HDAC9: variants seen among roughly 807,000 people sequenced by gnomAD.
HDAC9 encodes histone deacetylase 9, also known as MEF-2 interacting transcription repressor (MITR) protein.
A neutral mutation model predicts 139.4 loss-of-function variants in HDAC9; 41 were observed. That is an observed-to-expected ratio of 0.29 (90% CI 0.23 to 0.38). The LOEUF is 0.38. Among genes scored for constraint, HDAC9 ranks in the 10% least tolerant of loss-of-function variants. The probability of loss-of-function intolerance (pLI) is 1.00; values close to 1 mark genes in which losing one functional copy is unlikely to be tolerated. For missense variants in HDAC9, 1,147 were observed against 1,297.0 expected, an observed-to-expected ratio of 0.88 and a Z score of 1.78; for synonymous variants, 517 against 476.2, an observed-to-expected ratio of 1.09 and a Z score of -1.12.
intron 2 of HDAC9, chr7:18,162,408 G>T: frequency 9.1e-6 from 13 of 1,432,158 alleles, no homozygotes; most frequent in Non-Finnish European, 1.1e-5. Context: ...GTTGCTTTGT[G>T]TTGTTTCAAA....
intron 1 of HDAC9, among the ~76,000 whole-genome samples, chr7:18,359,355 A>T (rs1783589980): frequency 6.6e-6 from 1 of 152,180 alleles, no homozygotes; most frequent in Admixed American, 6.5e-5. Context: ...CTAAAATAAA[A>T]TAAAATAAAT....
At chr7:18,703,691 C>A (rs1038547316) in intron 12 of HDAC9, among the ~76,000 whole-genome samples, 5 of 152,140 alleles carry the variant, frequency 3.3e-5, no homozygotes, top group African/African-American at 1.2e-4. Flanking sequence ...GAGATCAACA[C>A]ACAGTTCTGA....
At chr7:18,621,629 A>G (rs1182886891) in intron 6 of HDAC9, among the ~76,000 whole-genome samples, 1 of 152,180 alleles carries the variant, frequency 6.6e-6, no homozygotes, top group East Asian at 1.9e-4. Flanking sequence ...AAAACTTTAT[A>G]TATGAATTAC....
chr7:18,613,289 G>A (rs868538198), intron 6 of HDAC9, among the ~76,000 whole-genome samples: 1 of 151,822 alleles, frequency 6.6e-6, no homozygotes, highest in African/African-American at 2.4e-5. Context: ...GAAATAGGTC[G>A]TTTTCACAGT....
chr7:18,870,860 G>A (rs1798863349), intron 21 of HDAC9, among the ~76,000 whole-genome samples: 1 of 152,010 alleles, frequency 6.6e-6, no homozygotes, highest in South Asian at 2.1e-4. Context: ...GAGAGATGGG[G>A]TCTCTCTGTG....
rs866059310 is a variant in HDAC9 at position 18,620,528 on chromosome 7, T to A, written c.665-8822T>A. On this transcript the variant is annotated intron_variant, in intron 6 of 25. Transcript: ENST00000686413. The stretch of plus-strand genomic sequence containing the variant: ...CTGAGTGGTACTTTTTTTTTTTTTT[T>A]AATACTAGAACAAACAGGAAAAAAT... 3.5e-3 allele frequency among the ~76,000 whole-genome samples: 531 copies of A among 151,338 alleles called. 3 individuals carry two copies. Among genetic ancestry groups the A allele is most frequent in the African/African-American group, 0.012 (511 of 41,070 alleles).
chr7:18,409,239 T>C (rs879368790), intron 1 of HDAC9, among the ~76,000 whole-genome samples: 1 of 152,214 alleles, frequency 6.6e-6, no homozygotes, highest in Non-Finnish European at 1.5e-5. Context: ...ACCCTGGCGA[T>C]ACATGACTAT....
chr7:18,348,578 A>G (rs556652672), intron 1 of HDAC9, among the ~76,000 whole-genome samples: 90 of 152,274 alleles, frequency 5.9e-4, no homozygotes, highest in African/African-American at 2.1e-3. Flanking sequence ...CTATACACCA[A>G]GATTTCATTA....
chr7:18,141,691 T>C (rs1200418747), intron 1 of HDAC9, among the ~76,000 whole-genome samples: 1 of 152,068 alleles, frequency 6.6e-6, no homozygotes, highest in Non-Finnish European at 1.5e-5. Context: ...TTGGAGCTCT[T>C]TTTTTTAACC....
chr7:18,164,582 A>G (rs1787872743), intron 2 of HDAC9, among the ~76,000 whole-genome samples: 2 of 152,270 alleles, frequency 1.3e-5, no homozygotes, highest in African/African-American at 4.8e-5. Flanking sequence ...CAGACTGAGT[A>G]TGTTTGTCTT....
At chr7:18,407,308 A>G (rs2128741033) in intron 1 of HDAC9, among the ~76,000 whole-genome samples, 1 of 152,306 alleles carries the variant, frequency 6.6e-6, no homozygotes, top group East Asian at 1.9e-4. Flanking sequence ...CATTTGTTCA[A>G]AATGTTATTT....
intron 2 of HDAC9, among the ~76,000 whole-genome samples, chr7:18,266,415 GT>G (rs78210721): frequency 0.38 from 58,442 of 151,834 alleles, 12,652 homozygotes; most frequent in Admixed American, 0.51. Flanking sequence ...AAGTAAAAAT[GT>G]TTTTTCTGTT....
chr7:18,138,445 G>A (rs901573003), intron 1 of HDAC9, among the ~76,000 whole-genome samples: 1 of 152,100 alleles, frequency 6.6e-6, no homozygotes, highest in Non-Finnish European at 1.5e-5. Flanking sequence ...GATGGAGGGA[G>A]TGTGGAATAG....
chr7:18,760,627 T>C (rs1034036446), intron 14 of HDAC9, among the ~76,000 whole-genome samples: 1 of 152,232 alleles, frequency 6.6e-6, no homozygotes, highest in Non-Finnish European at 1.5e-5. Flanking sequence ...ACTTCAATGA[T>C]ATACAAAGAA....
At chr7:18,612,189 G>T (rs1170665172) in intron 6 of HDAC9, among the ~76,000 whole-genome samples, 1 of 152,012 alleles carries the variant, frequency 6.6e-6, no homozygotes, top group African/African-American at 2.4e-5. Flanking sequence ...AATTACATGG[G>T]TTTAAATATT....
At chr7:18,304,221 A>G (rs944298985) in intron 1 of HDAC9, among the ~76,000 whole-genome samples, 3 of 152,348 alleles carry the variant, frequency 2.0e-5, no homozygotes, top group African/African-American at 7.2e-5. Context: ...ATACACTGTC[A>G]TTTAATGTTC....
At chr7:18,720,043 A>G (rs2129123236) in intron 12 of HDAC9, among the ~76,000 whole-genome samples, 1 of 152,294 alleles carries the variant, frequency 6.6e-6, no homozygotes, top group Non-Finnish European at 1.5e-5. Context: ...TAATTACTGT[A>G]CCTGTATAGT....
intron 17 of HDAC9, among the ~76,000 whole-genome samples, chr7:18,805,250 G>C (rs1253658722): frequency 6.6e-6 from 1 of 152,302 alleles, no homozygotes; most frequent in East Asian, 1.9e-4. Flanking sequence ...TAGCTTTTCA[G>C]TCTTTAACTT....
At chr7:18,420,868 C>T (rs1180133621) in intron 1 of HDAC9, among the ~76,000 whole-genome samples, 2 of 152,136 alleles carry the variant, frequency 1.3e-5, no homozygotes, top group Non-Finnish European at 2.9e-5. Flanking sequence ...CAAGGATGGC[C>T]CCTCCAAGGA....
Sources: gnomAD v4.1 joint callset for allele counts (sites outside exome capture counted in the v4.1 genomes callset) on GRCh38, gnomAD v4.1.1 for gene constraint, MANE v1.5 for transcripts, NCBI Gene and HGNC (gene_info 2026-07-23, HGNC 2026-07-21) for gene names.